The following NTRK2 variants were observed in gnomAD, a reference collection of about 807,000 sequenced individuals.
The protein encoded by NTRK2 is BDNF/NT-3 growth factors receptor.
A neutral mutation model predicts 94.5 loss-of-function variants in NTRK2; 13 were observed. That is an observed-to-expected ratio of 0.14 (90% CI 0.09 to 0.22). The LOEUF (loss-of-function observed/expected upper bound fraction) is 0.22, where lower values mean the gene tolerates loss of function less well. Ranked by LOEUF, NTRK2 falls within the 10% of genes least tolerant of loss-of-function variation. NTRK2 has a pLI of 1.00. For missense variants in NTRK2, 639 were observed against 1,071.2 expected, an observed-to-expected ratio of 0.60 and a Z score of 5.63; for synonymous variants, 372 against 407.4, an observed-to-expected ratio of 0.91 and a Z score of 1.05.
chr9:84,951,943 C>A (rs1249420292), intron 16 of NTRK2, among the ~76,000 whole-genome samples: 4 of 152,138 alleles, frequency 2.6e-5, no homozygotes, highest in Non-Finnish European at 5.9e-5. Context: ...CATGGCCAGG[C>A]TCTAAGCTAG....
At chr9:84,785,773 C>T (rs2068057988) in intron 12 of NTRK2, among the ~76,000 whole-genome samples, 2 of 152,150 alleles carry the variant, frequency 1.3e-5, no homozygotes, top group African/African-American at 4.8e-5. Context: ...ATAACTCACA[C>T]TACATTTGAA....
At chr9:85,010,491 G>T (rs1831443199) in intron 17 of NTRK2, among the ~76,000 whole-genome samples, 1 of 152,180 alleles carries the variant, frequency 6.6e-6, no homozygotes, top group African/African-American at 2.4e-5. Flanking sequence ...GCAGCTTAAA[G>T]AAATGTATAG....
intron 14 of NTRK2, among the ~76,000 whole-genome samples, chr9:84,924,199 A>G (rs1587943974): frequency 6.6e-6 from 1 of 151,160 alleles, no homozygotes; most frequent in Non-Finnish European, 1.5e-5. Context: ...CCTGTATGAC[A>G]GAGTGAGACC....
At chr9:84,818,255 G>A (rs974806679) in intron 12 of NTRK2, among the ~76,000 whole-genome samples, 4 of 152,156 alleles carry the variant, frequency 2.6e-5, no homozygotes, top group African/African-American at 7.2e-5. Context: ...CTGGTGCTCC[G>A]TATGTGAACT....
At chr9:84,823,192 T>C (rs2072961832) in intron 12 of NTRK2, among the ~76,000 whole-genome samples, 1 of 152,194 alleles carries the variant, frequency 6.6e-6, no homozygotes, top group African/African-American at 2.4e-5. Flanking sequence ...TATGGCAACA[T>C]AAAACAACAT....
At chr9:84,932,410 G>A (rs2078069143) in intron 14 of NTRK2, among the ~76,000 whole-genome samples, 1 of 152,106 alleles carries the variant, frequency 6.6e-6, no homozygotes, top group East Asian at 1.9e-4. Context: ...GGTACAATCA[G>A]GAAAGAACAC....
intron 17 of NTRK2, among the ~76,000 whole-genome samples, chr9:84,959,174 C>T (rs749870074): frequency 3.0e-4 from 45 of 152,298 alleles, no homozygotes; most frequent in Non-Finnish European, 1.3e-4. Context: ...CTCTTCAACA[C>T]TCTGCATTGA....
intron 17 of NTRK2, among the ~76,000 whole-genome samples, chr9:84,991,660 G>A (rs1478524604): frequency 1.3e-5 from 2 of 152,176 alleles, no homozygotes; most frequent in East Asian, 1.9e-4. Flanking sequence ...CCATGGTAGC[G>A]AGCCTCCTCC....
intron 12 of NTRK2, among the ~76,000 whole-genome samples, chr9:84,807,920 T>A (rs1476501683): frequency 6.6e-6 from 1 of 152,200 alleles, no homozygotes; most frequent in Non-Finnish European, 1.5e-5. Flanking sequence ...TGACTTGCCT[T>A]CTTTGAGGTG....
chr9:85,004,063 G>GAAAGAAAGAAAA (rs1830672008), intron 17 of NTRK2, among the ~76,000 whole-genome samples: 2 of 65,726 alleles, frequency 3.0e-5, no homozygotes, highest in African/African-American at 6.6e-5. Flanking sequence ...GAGAAAGAAA[G>GAAAGAAAGAAAA]GAGAGAGAGA....
intron 12 of NTRK2, among the ~76,000 whole-genome samples, chr9:84,810,051 G>A (rs73474430): frequency 0.034 from 5,134 of 152,220 alleles, 294 homozygotes; most frequent in African/African-American, 0.12. Flanking sequence ...ATCAGGATTT[G>A]GGTAGATAGG....
At position 84,672,926 on chromosome 9, in the gene NTRK2, A is replaced by G. The variant is rs185629221; in HGVS notation, c.212+1966A>G. On this transcript the variant is annotated intron_variant, in intron 2 of 18. Coordinates refer to ENST00000277120, the MANE Select transcript of NTRK2 (RefSeq NM_006180.6). ...AGATTTTAAAAATATTTACAAAAGC[A>G]TGTGTCATAGTTATTCATTCAATCG... Among the ~76,000 whole-genome samples, 6 of 152,344 alleles carry G rather than the reference A, an allele frequency of 3.9e-5. No individual in the cohort carries two copies. In the East Asian group the frequency reaches 5.8e-4, roughly 15 times the overall value.
chr9:84,847,604 G>A (rs1374979187), intron 12 of NTRK2, among the ~76,000 whole-genome samples: 6 of 152,126 alleles, frequency 3.9e-5, no homozygotes, highest in African/African-American at 4.8e-5. Flanking sequence ...AGAAAATTAC[G>A]GCTTATGTCA....
intron 6 of NTRK2, among the ~76,000 whole-genome samples, chr9:84,716,100 C>T (rs562916359): frequency 6.6e-6 from 1 of 152,156 alleles, no homozygotes; most frequent in Admixed American, 6.5e-5. Flanking sequence ...AATAATAGTC[C>T]CACAGTGAAT....
At chr9:84,742,789 GTTTTTT>G (rs757253032) in intron 10 of NTRK2, among the ~76,000 whole-genome samples, 64,871 of 103,638 alleles carry the variant, frequency 0.63, 20,424 homozygotes, top group South Asian at 0.72. Flanking sequence ...CATTATATTA[GTTTTTT>G]TTTTTTTTTT....
At chr9:84,856,477 T>G (rs1414590540) in intron 12 of NTRK2, among the ~76,000 whole-genome samples, 1 of 152,068 alleles carries the variant, frequency 6.6e-6, no homozygotes, top group African/African-American at 2.4e-5. Context: ...AAGGCGAACT[T>G]TTGCATTCAT....
chr9:84,716,349 C>CG (rs2061710246), intron 6 of NTRK2, among the ~76,000 whole-genome samples: 1 of 152,018 alleles, frequency 6.6e-6, no homozygotes, highest in East Asian at 1.9e-4. Context: ...GAGGAGAGGC[C>CG]GGGTTCCTTG....
At chr9:84,809,697 CA>C (rs2071531865) in intron 12 of NTRK2, among the ~76,000 whole-genome samples, 1 of 151,246 alleles carries the variant, frequency 6.6e-6, no homozygotes, top group East Asian at 1.9e-4. Flanking sequence ...GCCTGGGCAA[CA>C]TGGTGAAACC....
intron 12 of NTRK2, among the ~76,000 whole-genome samples, chr9:84,764,205 T>C (rs1021392189): frequency 3.9e-5 from 6 of 152,222 alleles, no homozygotes; most frequent in Non-Finnish European, 7.3e-5. Flanking sequence ...AGATCTTTTC[T>C]TTATAAATAC....
Sources: gnomAD v4.1 joint callset for allele counts (sites outside exome capture counted in the v4.1 genomes callset) on GRCh38, gnomAD v4.1.1 for gene constraint, MANE v1.5 for transcripts, NCBI Gene and HGNC (gene_info 2026-07-23, HGNC 2026-07-21) for gene names.